Variants in MAP4K4 observed in about 807,000 individuals in gnomAD.
The protein encoded by MAP4K4 is HPK/GCK-like kinase HGK.
MAP4K4 carries 38 observed loss-of-function variants against 189.6 expected under a neutral mutation model. The ratio of observed to expected loss-of-function variants is 0.20; its 90% CI spans 0.15 to 0.26. MAP4K4 has a LOEUF of 0.26. MAP4K4 is among the 10% of genes least tolerant of loss of function. The pLI is 1.00. For synonymous variants in MAP4K4, 610 were observed against 624.3 expected (o/e 0.98, Z 0.34); for missense variants, 1,054 against 1,726.9 (o/e 0.61, Z 6.91).
At chr2:101,829,793 C>T in intron 6 of MAP4K4, 199 bp downstream of exon 6, 1 of 513,980 alleles carries the variant, frequency 1.9e-6, no homozygotes, top group Non-Finnish European at 3.6e-6. Flanking sequence ...CCCCCTGCCC[C>T]CTGGTTCTCT....
At chr2:101,863,536 A>G (rs2072205) in intron 16 of MAP4K4, among the ~76,000 whole-genome samples, 22,043 of 150,572 alleles carry the variant, frequency 0.15, 1,692 homozygotes, top group South Asian at 0.2. Context: ...CTTTGTGGGG[A>G]AAAAAAAAAT....
At chr2:101,737,745 A>T (rs190345373) in intron 2 of MAP4K4, among the ~76,000 whole-genome samples, 1 of 151,968 alleles carries the variant, frequency 6.6e-6, no homozygotes, top group East Asian at 1.9e-4. Context: ...TTTGAAAAGG[A>T]AAAAAACCCT....
chr2:101,750,084 T>C (rs2067938230), intron 2 of MAP4K4, among the ~76,000 whole-genome samples: 1 of 149,726 alleles, frequency 6.7e-6, no homozygotes, highest in South Asian at 2.1e-4. Context: ...AGTTCAACCA[T>C]TGTGGAAGTC....
intron 2 of MAP4K4, among the ~76,000 whole-genome samples, chr2:101,755,861 G>C (rs1051817188): frequency 6.8e-6 from 1 of 146,838 alleles, no homozygotes; most frequent in Admixed American, 6.8e-5. Context: ...GTGCACATCT[G>C]TCTATAGTAG....
intron 2 of MAP4K4, among the ~76,000 whole-genome samples, chr2:101,755,176 C>T (rs1474279206): frequency 2.8e-5 from 4 of 145,146 alleles, no homozygotes; most frequent in Admixed American, 7.0e-5. Flanking sequence ...GTTTTGATGC[C>T]CCCTCCTCGC....
intron 2 of MAP4K4, among the ~76,000 whole-genome samples, chr2:101,789,670 AT>A (rs1558934089): frequency 6.6e-6 from 1 of 152,212 alleles, no homozygotes; most frequent in Non-Finnish European, 1.5e-5. Context: ...TTTGGAAAAT[AT>A]GGGGATGTTC....
chr2:101,881,834 C>T (rs1464379185), intron 27 of MAP4K4, among the ~76,000 whole-genome samples: 1 of 151,814 alleles, frequency 6.6e-6, no homozygotes, highest in Non-Finnish European at 1.5e-5. Flanking sequence ...ACGTTGCCCC[C>T]CATCATTTTT....
intron 2 of MAP4K4, among the ~76,000 whole-genome samples, chr2:101,740,159 T>TCCCC (rs1266622519): frequency 3.8e-4 from 43 of 113,118 alleles, no homozygotes; most frequent in African/African-American, 1.7e-3. Flanking sequence ...ATCTTTTTTT[T>TCCCC]TTTTTTTTTT....
chr2:101,727,409 C>A (rs2056076512), intron 2 of MAP4K4, among the ~76,000 whole-genome samples: 1 of 151,976 alleles, frequency 6.6e-6, no homozygotes, highest in Non-Finnish European at 1.5e-5. Flanking sequence ...CTCAAAATAC[C>A]CAGAAGTATA....
intron 3 of MAP4K4, among the ~76,000 whole-genome samples, chr2:101,806,352 T>TAG (rs2094925886): frequency 6.6e-6 from 1 of 150,818 alleles, no homozygotes; most frequent in Admixed American, 6.6e-5. Flanking sequence ...AAAGAGTGAA[T>TAG]GCCTTCATTT....
chr2:101,807,168 GGCCTCTTGATTA>G (rs552270018), intron 3 of MAP4K4, among the ~76,000 whole-genome samples: 71 of 151,684 alleles, frequency 4.7e-4, no homozygotes, highest in Non-Finnish European at 8.5e-4. Flanking sequence ...CTCCCACTTC[GGCCTCTTGATTA>G]GCTGGGGTTA....
intron 2 of MAP4K4, among the ~76,000 whole-genome samples, chr2:101,738,754 G>T (rs1248009944): frequency 6.6e-6 from 1 of 151,872 alleles, no homozygotes; most frequent in Non-Finnish European, 1.5e-5. Context: ...CTGGGTTCCT[G>T]TCCTTGTGCT....
intron 2 of MAP4K4, among the ~76,000 whole-genome samples, chr2:101,742,763 A>G (rs2063437550): frequency 6.6e-6 from 1 of 152,188 alleles, no homozygotes; most frequent in Non-Finnish European, 1.5e-5. Context: ...TTAGGATGAC[A>G]TATTACTCCT....
intron 4 of MAP4K4, among the ~76,000 whole-genome samples, chr2:101,824,882 A>G (rs887276209): frequency 7.9e-5 from 12 of 152,204 alleles, no homozygotes; most frequent in African/African-American, 2.7e-4. Context: ...ACCATTTTTT[A>G]TTCACATTAG....
At chr2:101,866,358 A>G in intron 18 of MAP4K4, 70 bp from the exon 19 acceptor site, 1 of 1,474,924 alleles carries the variant, frequency 6.8e-7, no homozygotes, top group Non-Finnish European at 9.3e-7. Flanking sequence ...CACACCATGC[A>G]CATGTTGGTA....
chr2:101,700,757 T>G (rs1001987055), intron 2 of MAP4K4, among the ~76,000 whole-genome samples: 3 of 152,026 alleles, frequency 2.0e-5, no homozygotes, highest in Non-Finnish European at 4.4e-5. Context: ...GTTTTCTTGA[T>G]TGTCTCATAC....
At chr2:101,720,318 C>T (rs1169803265) in intron 2 of MAP4K4, among the ~76,000 whole-genome samples, 2 of 151,518 alleles carry the variant, frequency 1.3e-5, no homozygotes, top group African/African-American at 4.8e-5. Context: ...GGATTACAGG[C>T]GCCCGCCGCC....
intron 15 of MAP4K4, 186 bp downstream of exon 15, chr2:101,860,050 C>G: frequency 1.6e-6 from 1 of 640,742 alleles, no homozygotes; most frequent in South Asian, 1.9e-5. Flanking sequence ...CATATTCAGT[C>G]AGTGCTTTTT....
intron 3 of MAP4K4, among the ~76,000 whole-genome samples, chr2:101,802,134 A>C (rs922966145): frequency 6.6e-6 from 1 of 152,168 alleles, no homozygotes; most frequent in African/African-American, 2.4e-5. Flanking sequence ...TGGTCTCCTC[A>C]TAGTCTATGA....
Sources: allele counts gnomAD v4.1 joint callset (sites outside exome capture counted in the v4.1 genomes callset), GRCh38; gene constraint gnomAD v4.1.1; transcripts MANE v1.5; gene names NCBI Gene and HGNC (gene_info 2026-07-23, HGNC 2026-07-21).